The following MYB variants were observed in gnomAD, a reference collection of about 807,000 sequenced individuals.
The protein encoded by MYB is transcriptional activator Myb.
In MYB, 28 loss-of-function variants were observed where a neutral mutation model predicts 92.9. That is an observed-to-expected ratio of 0.30 (90% CI 0.22 to 0.41). The LOEUF is 0.41. Ranked by LOEUF, MYB falls within the 10% of genes least tolerant of loss-of-function variation. MYB has a pLI of 1.00. For synonymous variants in MYB, 295 were observed against 329.1 expected, an observed-to-expected ratio of 0.90 and a Z score of 1.12; for missense variants, 679 against 929.3, an observed-to-expected ratio of 0.73 and a Z score of 3.50.
intron 13 of MYB, chr6:135,200,783 A>G (rs1303093979): frequency 7.0e-6 from 2 of 284,292 alleles, no homozygotes; most frequent in East Asian, 9.5e-5. Context: ...AATTAATTGT[A>G]TTAAAAAAAG....
At chr6:135,216,583 A>T (rs1780470212) in intron 15 of MYB, among the ~76,000 whole-genome samples, 1 of 152,064 alleles carries the variant, frequency 6.6e-6, no homozygotes, top group African/African-American at 2.4e-5. Flanking sequence ...CACAGCAATT[A>T]TTTTTTTCTG....
chr6:135,207,198 T>C (rs1402280122), intron 15 of MYB, among the ~76,000 whole-genome samples: 8 of 152,248 alleles, frequency 5.3e-5, no homozygotes, highest in African/African-American at 1.9e-4. Context: ...ATTTTTGTAA[T>C]TTGTACTTAT....
At position 135,181,665 on chromosome 6, in the gene MYB, G is replaced by A. The variant is rs1775055691; in HGVS notation, c.23+129G>A. The A allele has an allele frequency of 1.8e-6, 1 of 552,066 alleles. No individual in the cohort carries two copies. The highest frequency in any genetic ancestry group is 2.4e-6 in the Non-Finnish European group (1 of 408,310). The allele number at this position is 552,066 out of a possible 1,614,324, so 34.2% of individuals were successfully genotyped here. A position where few individuals can be genotyped will look rare whatever the true frequency, so the allele number is the denominator to read the frequency against. ...GGGCTGTCAGACCCTCCGAGGACCTGGAGCCCCTGCCTCGGCAGCAGAAGC... is the reference window on the plus strand; with the variant it reads ...GGGCTGTCAGACCCTCCGAGGACCTAGAGCCCCTGCCTCGGCAGCAGAAGC... On this transcript the variant is annotated intron_variant, in intron 1 of 15. Coordinates refer to ENST00000341911, the MANE Select transcript of MYB (RefSeq NM_001130173.2). This position sits in a 1 kb window ranked among gnomAD's most constrained non-coding sequence, Gnocchi z 5.3.
intron 15 of MYB, among the ~76,000 whole-genome samples, chr6:135,213,069 T>C (rs1291998661): frequency 4.6e-5 from 7 of 152,184 alleles, no homozygotes; most frequent in Admixed American, 4.6e-4. Flanking sequence ...GCTTGTCTTG[T>C]GCTTTCCTGG....
At chr6:135,189,975 CA>C in intron 4 of MYB, 92 bp downstream of exon 4, 1 of 1,431,986 alleles carries the variant, frequency 7.0e-7, no homozygotes, top group Non-Finnish European at 9.7e-7. Flanking sequence ...GTAAAATGGG[CA>C]AACAGGAAGT....
In MYB at chr6:135,217,683, T is replaced by G. The variant is rs555726566; in HGVS notation, c.2170-181T>G. 3.9e-5 allele frequency among the ~76,000 whole-genome samples: 6 copies of G among 152,296 alleles called. No individual in the cohort carries two copies. In the South Asian group the frequency reaches 8.3e-4, roughly 21 times the overall value. The stretch of plus-strand genomic sequence containing the variant: ...TGGGTTTTCCCTCTTAACAAATAAT[T>G]TCTGATCATCCATATCCCTTAAGAA... On this transcript the variant is annotated intron_variant, in intron 15 of 15. Transcript: ENST00000341911.
chr6:135,195,658 G>A (rs1777198480), intron 8 of MYB, 90 bp from the exon 9 acceptor site: 1 of 1,411,142 alleles, frequency 7.1e-7, no homozygotes, highest in Non-Finnish European at 9.8e-7. Context: ...TCCTCCAACA[G>A]CATCTGATAC....
chr6:135,206,289 T>G (rs1778911194), intron 15 of MYB, among the ~76,000 whole-genome samples: 1 of 151,124 alleles, frequency 6.6e-6, no homozygotes, highest in Non-Finnish European at 1.5e-5. Context: ...TCCTAGCTAC[T>G]TGGGAGGCTA....
intron 8 of MYB, chr6:135,194,801 C>G (rs1777078050): frequency 4.0e-6 from 3 of 746,304 alleles, no homozygotes; most frequent in Non-Finnish European, 6.0e-6. Context: ...TATATGGTAC[C>G]ATTTTGGTTT....
intron 15 of MYB, among the ~76,000 whole-genome samples, chr6:135,217,178 G>A (rs947597951): frequency 1.3e-5 from 2 of 152,080 alleles, no homozygotes; most frequent in African/African-American, 2.4e-5. Flanking sequence ...AGACCAACCT[G>A]GGCAACATGG....
At chr6:135,187,781 CAG>C (rs1437789595) in intron 2 of MYB, 51 bp from the exon 3 acceptor site, 23 of 1,238,070 alleles carry the variant, frequency 1.9e-5, no homozygotes, top group Non-Finnish European at 2.6e-5. Context: ...TTAACTTGAA[CAG>C]AGTTATATAG....
At position 135,181,578 on chromosome 6, in the gene MYB, G is replaced by A. The variant is rs1303962941; in HGVS notation, c.23+42G>A. On this transcript the variant is annotated intron_variant, in intron 1 of 15. Transcript: ENST00000341911. The surrounding 1 kb of genome is among the most constrained non-coding windows in gnomAD (Gnocchi z 5.3). Reference sequence around the variant, plus strand: ...CGGGCGGCCGAGGGCGGGGGCGCGCGGGGGCGCGCGGGGCGCCAGGCTCCC... The same window carrying A: ...CGGGCGGCCGAGGGCGGGGGCGCGCAGGGGCGCGCGGGGCGCCAGGCTCCC... The A allele has an allele frequency of 1.8e-5, 20 of 1,131,426 alleles. No individual in the cohort carries two copies. The South Asian group carries it at 7.8e-4, about 44-fold the overall frequency. The allele number at this position is 1,131,426 out of a possible 1,614,324, so 70.1% of individuals were successfully genotyped here.
In MYB at chr6:135,218,390, A is replaced by G. The variant is rs538759439; in HGVS notation, c.*410A>G. ...TTTCTCGATCACTAAACATATGCAT[A>G]TATTTTTAAAAATCAGTAAAAGCAT... is the stretch of plus-strand genomic sequence containing the variant. On this transcript the variant is annotated 3_prime_UTR_variant, in exon 16 of 16. Coordinates refer to ENST00000341911, the MANE Select transcript of MYB (RefSeq NM_001130173.2). 1 of 223,874 alleles carries G rather than the reference A, an allele frequency of 4.5e-6. No individual in the cohort carries two copies. Among genetic ancestry groups the G allele is most frequent in the South Asian group, 1.1e-4 (1 of 8,890 alleles). The allele number at this position is 223,874 out of a possible 1,614,324, so 13.9% of individuals were successfully genotyped here.
intron 10 of MYB, 149 bp downstream of exon 10, chr6:135,197,472 A>G (rs1777492531): frequency 5.1e-6 from 4 of 789,452 alleles, no homozygotes; most frequent in South Asian, 1.8e-5. Flanking sequence ...TTGCTAAGTT[A>G]TACTGCCTCC....
intron 14 of MYB, 128 bp from the exon 15 acceptor site, chr6:135,203,089 C>T (rs1778360789): frequency 1.4e-6 from 1 of 735,910 alleles, no homozygotes. Context: ...GAATTTCTGG[C>T]AGATGACTGC....
chr6:135,193,374 T>C (rs1014161928), intron 6 of MYB, among the ~76,000 whole-genome samples: 2 of 152,224 alleles, frequency 1.3e-5, no homozygotes, highest in Admixed American at 1.3e-4. Flanking sequence ...TGGATTTGAC[T>C]ACAAACTTTA....
Position 135,218,098 on chromosome 6 carries a change from A to G in MYB, c.*118A>G. ...AAGAACCTATTTTTGTTGTGGTACA[A>G]CAGTTGAGAGCAGCACCAAGTGCAT... On this transcript the variant is annotated 3_prime_UTR_variant, in exon 16 of 16. Coordinates refer to ENST00000341911, the MANE Select transcript of MYB (RefSeq NM_001130173.2). 1.3e-6 allele frequency: 1 copy of G among 791,078 alleles called. No homozygotes were observed. The highest frequency in any genetic ancestry group is 2.2e-6 in the Non-Finnish European group (1 of 461,052). The allele number at this position is 791,078 out of a possible 1,614,324, so 49.0% of individuals were successfully genotyped here.
chr6:135,184,509 G>C (rs935166607), intron 1 of MYB, among the ~76,000 whole-genome samples: 3 of 151,866 alleles, frequency 2.0e-5, no homozygotes, highest in Non-Finnish European at 4.4e-5. Flanking sequence ...GATTTTATTT[G>C]GTGGTGGTGG....
At position 135,217,849 on chromosome 6, in the gene MYB, C is replaced by CCCTTTCT. The variant is rs1194877550; in HGVS notation, c.2170-12_2170-6dup. 6.4e-7 allele frequency: 1 copy of CCCTTTCT among 1,557,006 alleles called. No homozygotes were observed. Among genetic ancestry groups the CCCTTTCT allele is most frequent in the Non-Finnish European group, 8.9e-7 (1 of 1,128,278 alleles). On this transcript the variant is annotated splice_polypyrimidine_tract_variant and intron_variant, in intron 15 of 15. Coordinates refer to ENST00000341911, the MANE Select transcript of MYB (RefSeq NM_001130173.2). Reference sequence around the variant, plus strand: ...CTTTGTCTGACGCTCCTGTTGCCATCCCTTTCTCCATCAGCCTTGTAGCAG... The same window carrying CCCTTTCT: ...CTTTGTCTGACGCTCCTGTTGCCATCCCTTTCTCCTTTCTCCATCAGCCTTGTAGCAG...
Sources: allele counts gnomAD v4.1 joint callset (sites outside exome capture counted in the v4.1 genomes callset), GRCh38; gene constraint gnomAD v4.1.1; non-coding constraint Gnocchi (gnomAD v3.1); transcripts MANE v1.5; gene names NCBI Gene and HGNC (gene_info 2026-07-23, HGNC 2026-07-21).